The following SOX9 variants were observed in gnomAD, a reference collection of about 807,000 sequenced individuals.
The protein encoded by SOX9 is SRY-box transcription factor 9, also known as transcription factor SOX-9.
A neutral mutation model predicts 44.8 loss-of-function variants in SOX9; 2 were observed. That is an observed-to-expected ratio of 0.04 (90% CI 0.02 to 0.14). SOX9 has a LOEUF of 0.14. SOX9 is among the 10% of genes least tolerant of loss of function. SOX9 has a pLI of 1.00. For missense variants in SOX9, 583 were observed against 728.6 expected, an observed-to-expected ratio of 0.80 and a Z score of 2.30; for synonymous variants, 381 against 331.8, an observed-to-expected ratio of 1.15 and a Z score of -1.61.
chr17:72,123,876 A>G lies in SOX9; in HGVS notation c.1019A>G (p.Gln340Arg), dbSNP rs1908191540. ...SAGHVWMSKQQAPPPPPQQPP... is the reference protein window; with the variant it reads ...SAGHVWMSKQRAPPPPPQQPP... ...GGCCACGTGTGGATGTCCAAGCAGCAGGCGCCGCCGCCACCCCCGCAGCAG... is the reference window on the plus strand; with the variant it reads ...GGCCACGTGTGGATGTCCAAGCAGCGGGCGCCGCCGCCACCCCCGCAGCAG... Residue 340 changes from glutamine to arginine, a missense_variant, in exon 3 of 3, where the codon CAG becomes CGG. By Grantham distance (43) the Gln-to-Arg change is conservative. Coordinates refer to ENST00000245479, the MANE Select transcript of SOX9 (RefSeq NM_000346.4). This position sits in a 1 kb window ranked among gnomAD's most constrained non-coding sequence, Gnocchi z 6.5. The G allele has an allele frequency of 1.3e-6, 2 of 1,518,338 alleles. No homozygotes were observed. Among genetic ancestry groups the G allele is most frequent in the East Asian group, 2.5e-5 (1 of 40,334 alleles). The allele number at this position is 1,518,338 out of a possible 1,614,324, so 94.1% of individuals were successfully genotyped here.
chr17:72,121,182 C>CT lies in SOX9; in HGVS notation c.-209dup. On this transcript the variant is annotated 5_prime_UTR_variant, in exon 1 of 3. Transcript: ENST00000245479. This position sits in a 1 kb window ranked among gnomAD's most constrained non-coding sequence, Gnocchi z 8.3. The stretch of plus-strand genomic sequence containing the variant: ...CCCCTCCTCCTCCTCTCCAATTCGC[C>CT]TCCCCCCACTTGGAGCGGGCAGCTG... The CT allele has an allele frequency of 1.7e-6, 1 of 588,010 alleles. No homozygotes were observed. Among genetic ancestry groups the CT allele is most frequent in the South Asian group, 2.0e-5 (1 of 49,218 alleles). The allele number at this position is 588,010 out of a possible 1,614,324, so 36.4% of individuals were successfully genotyped here. A position where few individuals can be genotyped will look rare whatever the true frequency, so the allele number is the denominator to read the frequency against.
In SOX9 at chr17:72,123,641, G is replaced by A. The variant is rs767836798; in HGVS notation, c.784G>A (p.Gly262Arg). Reference protein sequence around the residue: ...LKREGRPLPEGGRQPPIDFRD... With the variant: ...LKREGRPLPERGRQPPIDFRD... ...GCGAGAGGGGCGCCCCTTGCCAGAG[G>A]GGGGCAGACAGCCCCCTATCGACTT... The change falls in exon 3 of 3, where the codon GGG (glycine) becomes AGG (arginine). Residue 262 changes from glycine (G) to arginine (R), a missense_variant. Physicochemically the swap from Gly to Arg is moderately radical, Grantham distance 125. Coordinates refer to ENST00000245479, the MANE Select transcript of SOX9 (RefSeq NM_000346.4). The surrounding 1 kb of genome is among the most constrained non-coding windows in gnomAD (Gnocchi z 6.5). 1 of 1,614,148 alleles carries A rather than the reference G, an allele frequency of 6.2e-7. No individual in the cohort carries two copies. Among genetic ancestry groups the A allele is most frequent in the Admixed American group, 1.7e-5 (1 of 60,036 alleles).
Position 72,123,087 on chromosome 17 carries a change from C to A in SOX9, c.685+115C>A, listed in dbSNP as rs1332985462. ...CTTTATGCTTCCCGGGAGGGACACA[C>A]TGCCCTTTGCGCCCGTCCCGCTCCC... On this transcript the variant is annotated intron_variant, in intron 2 of 2. Coordinates refer to ENST00000245479, the MANE Select transcript of SOX9 (RefSeq NM_000346.4). This position sits in a 1 kb window ranked among gnomAD's most constrained non-coding sequence, Gnocchi z 6.5. 2.3e-6 allele frequency: 3 copies of A among 1,331,396 alleles called. No individual in the cohort carries two copies. In the African/African-American group the frequency reaches 4.3e-5, roughly 19 times the overall value. The allele number at this position is 1,331,396 out of a possible 1,614,324, so 82.5% of individuals were successfully genotyped here.
At position 72,122,413 on chromosome 17, in the gene SOX9, A is replaced by G. The variant is rs1908126531; in HGVS notation, c.432-306A>G. Among the ~76,000 whole-genome samples the G allele has an allele frequency of 2.4e-5, 3 of 124,848 alleles. No individual in the cohort carries two copies. The South Asian group carries it at 8.6e-4, about 36-fold the overall frequency. The allele number at this position is 124,848 out of a possible 152,430, so 81.9% of individuals were successfully genotyped here. A position where few individuals can be genotyped will look rare whatever the true frequency, so the allele number is the denominator to read the frequency against. On this transcript the variant is annotated intron_variant, in intron 1 of 2. Coordinates refer to ENST00000245479, the MANE Select transcript of SOX9 (RefSeq NM_000346.4). ...GTTGGGGGCGGTAAGTCGAGCAGCA[A>G]AGGCGTTTAGGGGGCAGCACCGGGA...
chr17:72,122,911 G>A lies in SOX9; in HGVS notation c.624G>A (p.Gln208=), dbSNP rs2143246841. 2 of 1,614,092 alleles carry A rather than the reference G, an allele frequency of 1.2e-6. No homozygotes were observed. Among genetic ancestry groups the A allele is most frequent in the Non-Finnish European group, 1.7e-6 (2 of 1,180,002 alleles). Residue 208 remains glutamine (Q), a synonymous_variant, in exon 2 of 3, where the codon CAG becomes CAA. Coordinates refer to ENST00000245479, the MANE Select transcript of SOX9 (RefSeq NM_000346.4). Reference sequence around the variant, plus strand: ...CCAACGCCATCTTCAAGGCGCTGCAGGCCGACTCGCCACACTCCTCCTCCG... The same window carrying A: ...CCAACGCCATCTTCAAGGCGCTGCAAGCCGACTCGCCACACTCCTCCTCCG... ...ISPNAIFKAL[Q]ADSPHSSSGM... is the part of the protein sequence containing the mutation.
Position 72,125,430 on chromosome 17 carries a change from G to A in SOX9, c.*1043G>A. 1 of 229,806 alleles carries A rather than the reference G, an allele frequency of 4.4e-6. No individual in the cohort carries two copies. 14.2% of individuals were successfully genotyped at this position (229,806 alleles called of 1,614,324 possible). On this transcript the variant is annotated 3_prime_UTR_variant, in exon 3 of 3. Coordinates refer to ENST00000245479, the MANE Select transcript of SOX9 (RefSeq NM_000346.4). ...TGCCTGCCTGGGCCCCATGTGGAAG[G>A]CAGATGCCTGCTCGCTCTGTCACCT...
Position 72,121,236 on chromosome 17 carries a change from T to A in SOX9, c.-156T>A, listed in dbSNP as rs111264561. ...ACTGGCCACCCCGCGCCTTCCTAAG[T>A]GCTCGCCGCGGTAGCCGGCCGACGC... On this transcript the variant is annotated 5_prime_UTR_variant, in exon 1 of 3. Transcript: ENST00000245479. The surrounding 1 kb of genome is among the most constrained non-coding windows in gnomAD (Gnocchi z 8.3). The A allele has an allele frequency of 2.0e-3, 1,382 of 680,062 alleles. 11 individuals carry two copies. In the African/African-American group the frequency reaches 0.022, roughly 11 times the overall value. The allele number at this position is 680,062 out of a possible 1,614,324, so 42.1% of individuals were successfully genotyped here. A position where few individuals can be genotyped will look rare whatever the true frequency, so the allele number is the denominator to read the frequency against.
Position 72,124,128 on chromosome 17 carries a change from A to G in SOX9, c.1271A>G (p.Asn424Ser), listed in dbSNP as rs1908208284. The change falls in exon 3 of 3, where the codon AAC (asparagine) becomes AGC (serine). Residue 424 changes from asparagine to serine, a missense_variant. Asn to Ser is a conservative substitution (Grantham distance 46). Around this residue, in one of 7 missense-constraint regions of SOX9, gnomAD observed 349 missense variants for 387.0 expected, o/e 0.90. Transcript: ENST00000245479. The surrounding 1 kb of genome is among the most constrained non-coding windows in gnomAD (Gnocchi z 4.6). ...SPQQIAYSPF[N>S]LPHYSPSYPP... ...CAACAGATCGCCTACAGCCCCTTCA[A>G]CCTCCCACACTACAGCCCCTCCTAC... The G allele has an allele frequency of 3.7e-6, 6 of 1,613,162 alleles. No homozygotes were observed. The highest frequency in any genetic ancestry group is 1.7e-5 in the Admixed American group (1 of 59,952).
At position 72,123,007 on chromosome 17, in the gene SOX9, C is replaced by T. The variant is rs2143247846; in HGVS notation, c.685+35C>T. On this transcript the variant is annotated intron_variant, in intron 2 of 2. Transcript: ENST00000245479. The surrounding 1 kb of genome is among the most constrained non-coding windows in gnomAD (Gnocchi z 6.5). ...CCCTCGACCCCACCGGACAAGCTAT[C>T]TCCGTCCCGCCTGGCACACCCCCTG... 6.2e-7 allele frequency: 1 copy of T among 1,607,304 alleles called. No individual in the cohort carries two copies. The highest frequency in any genetic ancestry group is 1.3e-5 in the African/African-American group (1 of 75,022).
chr17:72,122,947 G>C lies in SOX9; in HGVS notation c.660G>C (p.Glu220Asp). Residue 220 changes from glutamate (E) to aspartate (D), a missense_variant, in exon 2 of 3, where the codon GAG (glutamate) becomes GAC (aspartate). This residue lies in a region of SOX9 where 88 missense variants were observed against 65.5 expected (regional missense o/e 1.34). Transcript: ENST00000245479. The part of the protein sequence containing the change: ...DSPHSSSGMS[E>D]VHSPGEHSGQ... ...CACACTCCTCCTCCGGCATGAGCGA[G>C]GTGCACTCCCCCGGCGAGCACTCGG... The C allele has an allele frequency of 6.2e-7, 1 of 1,613,874 alleles. No homozygotes were observed. Among genetic ancestry groups the C allele is most frequent in the East Asian group, 2.2e-5 (1 of 44,862 alleles).
Position 72,122,987 on chromosome 17 carries a change from G to A in SOX9, c.685+15G>A. On this transcript the variant is annotated intron_variant, in intron 2 of 2. Transcript: ENST00000245479. ...CGAGCACTCGGGTGAGTCGCCCCTC[G>A]ACCCCACCGGACAAGCTATCTCCGT... 1 of 1,610,666 alleles carries A rather than the reference G, an allele frequency of 6.2e-7. No homozygotes were observed. Among genetic ancestry groups the A allele is most frequent in the Non-Finnish European group, 8.5e-7 (1 of 1,179,788 alleles).
At position 72,122,913 on chromosome 17, in the gene SOX9, C is replaced by T. The variant is rs1403504655; in HGVS notation, c.626C>T (p.Ala209Val). 6.2e-7 allele frequency: 1 copy of T among 1,614,012 alleles called. No individual in the cohort carries two copies. The highest frequency in any genetic ancestry group is 1.3e-5 in the African/African-American group (1 of 74,932). The change falls in exon 2 of 3, where the codon GCC (alanine) becomes GTC (valine). Residue 209 changes from alanine (A) to valine (V), a missense_variant. By Grantham distance (64) the Ala-to-Val change is moderately conservative. Around this residue, in one of 7 missense-constraint regions of SOX9, gnomAD observed 88 missense variants for 65.5 expected, o/e 1.34. Transcript: ENST00000245479. ...SPNAIFKALQADSPHSSSGMS... is the reference protein window; with the variant it reads ...SPNAIFKALQVDSPHSSSGMS... ...AACGCCATCTTCAAGGCGCTGCAGGCCGACTCGCCACACTCCTCCTCCGGC... is the reference window on the plus strand; with the variant it reads ...AACGCCATCTTCAAGGCGCTGCAGGTCGACTCGCCACACTCCTCCTCCGGC...
Position 72,121,872 on chromosome 17 carries a change from G to A in SOX9, c.431+50G>A, listed in dbSNP as rs1428794918. 5 of 1,498,288 alleles carry A rather than the reference G, an allele frequency of 3.3e-6. No individual in the cohort carries two copies. Among genetic ancestry groups the A allele is most frequent in the Non-Finnish European group, 4.4e-6 (5 of 1,124,306 alleles). 92.8% of individuals were successfully genotyped at this position (1,498,288 alleles called of 1,614,324 possible). On this transcript the variant is annotated intron_variant, in intron 1 of 2. Coordinates refer to ENST00000245479, the MANE Select transcript of SOX9 (RefSeq NM_000346.4). The surrounding 1 kb of genome is among the most constrained non-coding windows in gnomAD (Gnocchi z 8.3). ...GCAGGGTGGGCATCGCGGCGGCTGG[G>A]GGCGCTGGTCAGGGCTGATTTGCCC...
chr17:72,121,584 G>A lies in SOX9; in HGVS notation c.193G>A (p.Glu65Lys), dbSNP rs2143238188. Residue 65 changes from glutamate to lysine, a missense_variant, in exon 1 of 3, where the codon GAG becomes AAG. This residue lies in a region of SOX9 where 101 missense variants were observed against 98.6 expected (regional missense o/e 1.02). Coordinates refer to ENST00000245479, the MANE Select transcript of SOX9 (RefSeq NM_000346.4). The surrounding 1 kb of genome is among the most constrained non-coding windows in gnomAD (Gnocchi z 8.3). ...CGAGCCCGATCTGAAGAAGGAGAGC[G>A]AGGAGGACAAGTTCCCCGTGTGCAT... ...KGEPDLKKESEEDKFPVCIRE... is the reference protein window; with the variant it reads ...KGEPDLKKESKEDKFPVCIRE... 6.2e-7 allele frequency: 1 copy of A among 1,607,460 alleles called. No homozygotes were observed. The highest frequency in any genetic ancestry group is 8.5e-7 in the Non-Finnish European group (1 of 1,177,300).
In SOX9 at chr17:72,124,522, T is replaced by G; in HGVS notation, c.*135T>G. ...ATTTTGTTTTGTTTTTTCTTCTTCTTCTTCTTCCTTAAAGACATTTAAGCT... is the reference window on the plus strand; with the variant it reads ...ATTTTGTTTTGTTTTTTCTTCTTCTGCTTCTTCCTTAAAGACATTTAAGCT... On this transcript the variant is annotated 3_prime_UTR_variant, in exon 3 of 3. Coordinates refer to ENST00000245479, the MANE Select transcript of SOX9 (RefSeq NM_000346.4). The surrounding 1 kb of genome is among the most constrained non-coding windows in gnomAD (Gnocchi z 4.6). 2.6e-6 allele frequency: 3 copies of G among 1,140,754 alleles called. No individual in the cohort carries two copies. The highest frequency in any genetic ancestry group is 3.8e-6 in the Non-Finnish European group (3 of 786,762). 70.7% of individuals were successfully genotyped at this position (1,140,754 alleles called of 1,614,324 possible).
rs1172242216 is a variant in SOX9, at chr17:72,124,404, G to A, written c.*17G>A. ...CGACCTTGAGGAGGCCTCCCACGAA[G>A]GGCGAAGATGGCCGAGATGATCCTA... On this transcript the variant is annotated 3_prime_UTR_variant, in exon 3 of 3. Transcript: ENST00000245479. This position sits in a 1 kb window ranked among gnomAD's most constrained non-coding sequence, Gnocchi z 4.6. The A allele has an allele frequency of 6.3e-7, 1 of 1,599,666 alleles. No homozygotes were observed. The highest frequency in any genetic ancestry group is 8.5e-7 in the Non-Finnish European group (1 of 1,179,868).
Position 72,121,224 on chromosome 17 carries a change from C to A in SOX9, c.-168C>A. 1.6e-6 allele frequency: 1 copy of A among 639,980 alleles called. No individual in the cohort carries two copies. 39.6% of individuals were successfully genotyped at this position (639,980 alleles called of 1,614,324 possible). Reference sequence around the variant, plus strand: ...GGGCAGCTGTGAACTGGCCACCCCGCGCCTTCCTAAGTGCTCGCCGCGGTA... The same window carrying A: ...GGGCAGCTGTGAACTGGCCACCCCGAGCCTTCCTAAGTGCTCGCCGCGGTA... On this transcript the variant is annotated 5_prime_UTR_variant, in exon 1 of 3. Transcript: ENST00000245479. This position sits in a 1 kb window ranked among gnomAD's most constrained non-coding sequence, Gnocchi z 8.3.
rs2143246916 is a variant in SOX9, at chr17:72,122,916, A to C, written c.629A>C (p.Asp210Ala). ...GCCATCTTCAAGGCGCTGCAGGCCG[A>C]CTCGCCACACTCCTCCTCCGGCATG... Reference protein sequence around the residue: ...PNAIFKALQADSPHSSSGMSE... With the variant: ...PNAIFKALQAASPHSSSGMSE... The change falls in exon 2 of 3, where the codon GAC (aspartate) becomes GCC (alanine). Residue 210 changes from aspartate to alanine, a missense_variant. By Grantham distance (126) the Asp-to-Ala change is moderately radical. This residue lies in a region of SOX9 where 88 missense variants were observed against 65.5 expected (regional missense o/e 1.34). Coordinates refer to ENST00000245479, the MANE Select transcript of SOX9 (RefSeq NM_000346.4). The C allele has an allele frequency of 1.9e-6, 3 of 1,613,256 alleles. No homozygotes were observed. The highest frequency in any genetic ancestry group is 2.5e-6 in the Non-Finnish European group (3 of 1,179,812).
At position 72,125,356 on chromosome 17, in the gene SOX9, C is replaced by T; in HGVS notation, c.*969C>T. The stretch of plus-strand genomic sequence containing the variant: ...GCAAGCAAAGGAGATGAAATCTGTT[C>T]TGGGAATGTTTCAGCAGCCAATAAG... On this transcript the variant is annotated 3_prime_UTR_variant, in exon 3 of 3. Coordinates refer to ENST00000245479, the MANE Select transcript of SOX9 (RefSeq NM_000346.4). 8.8e-6 allele frequency: 2 copies of T among 228,170 alleles called. No homozygotes were observed. Among genetic ancestry groups the T allele is most frequent in the East Asian group, 1.3e-4 (2 of 15,876 alleles). The allele number at this position is 228,170 out of a possible 1,614,324, so 14.1% of individuals were successfully genotyped here. A position where few individuals can be genotyped will look rare whatever the true frequency, so the allele number is the denominator to read the frequency against.
Sources: allele counts gnomAD v4.1 joint callset (sites outside exome capture counted in the v4.1 genomes callset), GRCh38; gene constraint gnomAD v4.1.1; regional missense constraint gnomAD v4.1.1; non-coding constraint Gnocchi (gnomAD v3.1); transcripts MANE v1.5; gene names NCBI Gene and HGNC (gene_info 2026-07-23, HGNC 2026-07-21).